DEPDC5: variants seen among roughly 807,000 people sequenced by gnomAD.
DEPDC5 encodes DEP domain containing 5, GATOR1 subcomplex subunit, also known as GATOR1 complex protein DEPDC5.
In DEPDC5, 73 loss-of-function variants were observed where a neutral mutation model predicts 217.3. The ratio of observed to expected loss-of-function variants is 0.34; its 90% CI spans 0.28 to 0.41. The LOEUF (loss-of-function observed/expected upper bound fraction) is 0.41, where lower values mean the gene tolerates loss of function less well. Ranked by LOEUF, DEPDC5 falls within the 10% of genes least tolerant of loss-of-function variation. The pLI is 1.00. For missense variants in DEPDC5, 1,675 were observed against 2,070.1 expected, an observed-to-expected ratio of 0.81 and a Z score of 3.70; for synonymous variants, 733 against 756.7, an observed-to-expected ratio of 0.97 and a Z score of 0.51.
intron 7 of DEPDC5, among the ~76,000 whole-genome samples, chr22:31,771,304 C>T (rs545237998): frequency 1.3e-5 from 2 of 151,910 alleles, no homozygotes; most frequent in Non-Finnish European, 2.9e-5. Flanking sequence ...TTTTTTCTCC[C>T]AAAAAGGGTA....
chr22:31,860,316 C>T (rs920745539), intron 32 of DEPDC5, among the ~76,000 whole-genome samples: 1 of 152,168 alleles, frequency 6.6e-6, no homozygotes, highest in Non-Finnish European at 1.5e-5. Context: ...TCCAAGGTTT[C>T]GTATTGGAGT....
chr22:31,793,990 G>A (rs1311316777), intron 12 of DEPDC5, among the ~76,000 whole-genome samples: 2 of 152,150 alleles, frequency 1.3e-5, no homozygotes, highest in Non-Finnish European at 2.9e-5. Flanking sequence ...AAATATCACA[G>A]CATCCCTGTG....
At chr22:31,790,639 C>T (rs2085505435) in intron 10 of DEPDC5, among the ~76,000 whole-genome samples, 1 of 152,116 alleles carries the variant, frequency 6.6e-6, no homozygotes. Context: ...ACACTGTAGG[C>T]CTGGCATTGT....
intron 24 of DEPDC5, among the ~76,000 whole-genome samples, chr22:31,824,980 A>AC (rs1172467410): frequency 6.6e-6 from 1 of 151,592 alleles, no homozygotes; most frequent in Non-Finnish European, 1.5e-5. Context: ...CGTCTCAAAA[A>AC]AAAAAAAAAA....
rs148168222 is a variant in DEPDC5, at chr22:31,759,972, C to A, written c.147-684C>A. On this transcript the variant is annotated intron_variant, in intron 3 of 42. Coordinates refer to ENST00000651528, the MANE Select transcript of DEPDC5 (RefSeq NM_001242896.3). ...TGTTGGGATTATAGGCATGAGCCAC[C>A]GAGCCCAGCCTCTTTCTGGTTTTAA... Among the ~76,000 whole-genome samples the A allele has an allele frequency of 1.4e-4, 21 of 151,956 alleles. No individual in the cohort carries two copies. The South Asian group carries it at 1.5e-3, about 11-fold the overall frequency.
At chr22:31,776,862 A>G (rs2083913499) in intron 7 of DEPDC5, among the ~76,000 whole-genome samples, 1 of 152,048 alleles carries the variant, frequency 6.6e-6, no homozygotes, top group South Asian at 2.1e-4. Context: ...GGCATGAGCC[A>G]CTGCACCCAT....
At chr22:31,861,830 G>A (rs2092525618) in intron 33 of DEPDC5, among the ~76,000 whole-genome samples, 1 of 152,178 alleles carries the variant, frequency 6.6e-6, no homozygotes, top group Admixed American at 6.5e-5. Context: ...TAACAGTGTG[G>A]CAGGAAGTGG....
At chr22:31,778,597 T>A (rs2084118357) in intron 8 of DEPDC5, among the ~76,000 whole-genome samples, 1 of 152,238 alleles carries the variant, frequency 6.6e-6, no homozygotes, top group South Asian at 2.1e-4. Context: ...CAGTTGGATT[T>A]CTCCAGTTTG....
intron 21 of DEPDC5, chr22:31,816,116 A>G (rs937856816): frequency 2.5e-5 from 17 of 670,190 alleles, no homozygotes; most frequent in South Asian, 6.7e-5. Context: ...CCTGGTCAAC[A>G]TGGTGAAACG....
At chr22:31,854,905 G>C (rs939495554) in intron 31 of DEPDC5, among the ~76,000 whole-genome samples, 1 of 151,758 alleles carries the variant, frequency 6.6e-6, no homozygotes, top group Non-Finnish European at 1.5e-5. Flanking sequence ...ACCTTAAAAA[G>C]GACTTAAGAG....
intron 38 of DEPDC5, among the ~76,000 whole-genome samples, chr22:31,889,898 A>G (rs530968084): frequency 6.6e-6 from 1 of 152,260 alleles, no homozygotes; most frequent in East Asian, 1.9e-4. Context: ...CAGAGACAGA[A>G]TGTAGTTTTG....
Position 31,897,608 on chromosome 22 carries a change from A to G in DEPDC5, c.4330A>G (p.Asn1444Asp), listed in dbSNP as rs1362815688. The G allele has an allele frequency of 3.1e-6, 5 of 1,614,012 alleles. No homozygotes were observed. Among genetic ancestry groups the G allele is most frequent in the Middle Eastern group, 3.3e-4 (2 of 6,056 alleles). ...TCGTGCCCAGCTCTTCATCCCACTC[A>G]ACATCAGCTGCTTGCTCAAGGAGGG... is the stretch of plus-strand genomic sequence containing the variant. ...PLRAQLFIPL[N>D]ISCLLKEGSE... The change falls in exon 40 of 43, where the codon AAC (asparagine) becomes GAC (aspartate). Residue 1444 changes from asparagine to aspartate, a missense_variant. Around this residue, in one of 11 missense-constraint regions of DEPDC5, gnomAD observed 182 missense variants for 290.1 expected, o/e 0.63. Transcript: ENST00000651528.
chr22:31,776,114 T>C (rs1008568842), intron 7 of DEPDC5, among the ~76,000 whole-genome samples: 1 of 151,430 alleles, frequency 6.6e-6, no homozygotes. Context: ...TTTTGTTTGT[T>C]TTTTTGTTTT....
At chr22:31,827,695 G>A (rs954057396) in intron 24 of DEPDC5, among the ~76,000 whole-genome samples, 1 of 152,108 alleles carries the variant, frequency 6.6e-6, no homozygotes, top group African/African-American at 2.4e-5. Flanking sequence ...CTCAGTCCTC[G>A]TCTCCTGCTT....
chr22:31,835,404 A>C (rs772855781), intron 25 of DEPDC5, among the ~76,000 whole-genome samples: 15 of 152,198 alleles, frequency 9.9e-5, no homozygotes, highest in Non-Finnish European at 2.2e-4. Context: ...GTTAGAAAAG[A>C]GGCTGCACTC....
intron 15 of DEPDC5, among the ~76,000 whole-genome samples, chr22:31,803,958 C>T (rs1004747847): frequency 2.0e-5 from 3 of 151,992 alleles, no homozygotes; most frequent in African/African-American, 4.8e-5. Context: ...AATAATGATA[C>T]GTTAGTAGGG....
chr22:31,896,075 G>C (rs890124495), intron 39 of DEPDC5, among the ~76,000 whole-genome samples: 1 of 151,426 alleles, frequency 6.6e-6, no homozygotes, highest in Non-Finnish European at 1.5e-5. Context: ...GTTATAGTTG[G>C]GCAGGAAGGA....
rs146373942 is a variant in DEPDC5, at chr22:31,838,793, A to G, written c.2463A>G (p.Lys821=). The G allele has an allele frequency of 6.2e-7, 1 of 1,613,892 alleles. No individual in the cohort carries two copies. The highest frequency in any genetic ancestry group is 1.3e-5 in the African/African-American group (1 of 74,960). Residue 821 remains lysine (K), a synonymous_variant, in exon 27 of 43, where the codon AAA becomes AAG. Coordinates refer to ENST00000651528, the MANE Select transcript of DEPDC5 (RefSeq NM_001242896.3). ...YQIIVQPKTQ[K]PNPAVPPPLS... is the part of the protein sequence containing the mutation. ...TCATAGTGCAGCCCAAGACACAGAA[A>G]CCCAATCCTGCTGTCCCGCCCCCGC...
intron 38 of DEPDC5, chr22:31,879,994 A>G: frequency 3.9e-6 from 2 of 512,142 alleles, no homozygotes; most frequent in South Asian, 4.1e-5. Context: ...ATAGTGCCAG[A>G]CCTGTTCGGA....
Sources: gnomAD v4.1 joint callset for allele counts (sites outside exome capture counted in the v4.1 genomes callset) on GRCh38, gnomAD v4.1.1 for gene constraint, gnomAD v4.1.1 regional missense constraint, MANE v1.5 for transcripts, NCBI Gene and HGNC (gene_info 2026-07-23, HGNC 2026-07-21) for gene names.